Variants in SAMD13 observed in about 807,000 individuals in gnomAD.
SAMD13 encodes sterile alpha motif domain-containing protein 13.
In SAMD13, 9 loss-of-function variants were observed where a neutral mutation model predicts 12.4. The ratio of observed to expected loss-of-function variants is 0.72; its 90% CI spans 0.44 to 1.26. The LOEUF (loss-of-function observed/expected upper bound fraction) is 1.26, where lower values mean the gene tolerates loss of function less well. Ranked by LOEUF, SAMD13 falls within the 50% of genes most tolerant of loss-of-function variation. The pLI, the probability that SAMD13 is intolerant of heterozygous loss-of-function variation, is 0.00. For synonymous variants in SAMD13, 46 were observed against 45.4 expected (o/e 1.01, Z -0.05); for missense variants, 84 against 119.6 (o/e 0.70, Z 1.39).
chr1:84,325,755 T>C lies in SAMD13; in HGVS notation c.165+7T>C, dbSNP rs1162166702. On this transcript the variant is annotated splice_region_variant and intron_variant, in intron 3 of 3. Coordinates refer to ENST00000394834, the MANE Select transcript of SAMD13 (RefSeq NM_001134663.2). Reference sequence around the variant, plus strand: ...TAGTGCTTTTCAGGAACAGGTAACTTGGTCTAGAGAAACACGTGATGAACA... The same window carrying C: ...TAGTGCTTTTCAGGAACAGGTAACTCGGTCTAGAGAAACACGTGATGAACA... The C allele has an allele frequency of 6.4e-7, 1 of 1,562,302 alleles. No individual in the cohort carries two copies. The highest frequency in any genetic ancestry group is 8.8e-7 in the Non-Finnish European group (1 of 1,133,198).
intron 3 of SAMD13, among the ~76,000 whole-genome samples, chr1:84,330,524 G>A (rs568646490): frequency 2.2e-4 from 34 of 152,270 alleles, no homozygotes; most frequent in African/African-American, 7.9e-4. Flanking sequence ...AGAACATTTA[G>A]GATAAAGTTT....
intron 2 of SAMD13, among the ~76,000 whole-genome samples, chr1:84,310,361 GA>G (rs936350873): frequency 3.9e-4 from 57 of 147,538 alleles, no homozygotes; most frequent in East Asian, 9.9e-4. Context: ...TAGCTGATGA[GA>G]AAAAAAAAAA....
At chr1:84,311,096 G>A (rs988034576) in intron 2 of SAMD13, among the ~76,000 whole-genome samples, 5 of 152,070 alleles carry the variant, frequency 3.3e-5, no homozygotes, top group African/African-American at 7.2e-5. Flanking sequence ...AGCACTTTGG[G>A]AGGCCGAGGC....
chr1:84,326,883 A>C (rs188282432), intron 3 of SAMD13, among the ~76,000 whole-genome samples: 1 of 152,170 alleles, frequency 6.6e-6, no homozygotes, highest in East Asian at 1.9e-4. Context: ...ATCTTTGTAC[A>C]TAAGTATTTT....
rs915694971 is a variant in SAMD13 at position 84,335,554 on chromosome 1, C to T, written c.165+9806C>T. Among the ~76,000 whole-genome samples, 4 of 152,198 alleles carry T rather than the reference C, an allele frequency of 2.6e-5. No homozygotes were observed. The East Asian group carries it at 7.7e-4, about 29-fold the overall frequency. On this transcript the variant is annotated intron_variant, in intron 3 of 3. Transcript: ENST00000394834. ...TTTACTCTGTTTCCATTCAAGGTTA[C>T]TATTGATATGTATGGATTTGATTCT...
chr1:84,336,596 C>T (rs931309494), intron 3 of SAMD13, among the ~76,000 whole-genome samples: 3 of 152,096 alleles, frequency 2.0e-5, no homozygotes, highest in Non-Finnish European at 4.4e-5. Context: ...TACCTCCCAC[C>T]GGGTCCCTCC....
chr1:84,302,471 C>G (rs1432027840), intron 1 of SAMD13, among the ~76,000 whole-genome samples: 9 of 150,548 alleles, frequency 6.0e-5, no homozygotes, highest in Non-Finnish European at 1.3e-4. Flanking sequence ...GTGATGGATG[C>G]TACAATATCT....
intron 3 of SAMD13, among the ~76,000 whole-genome samples, chr1:84,345,673 T>C (rs1679520230): frequency 1.3e-5 from 2 of 152,196 alleles, no homozygotes; most frequent in South Asian, 4.1e-4. Flanking sequence ...TGATGGCTAC[T>C]CTTTGTCTCT....
At chr1:84,349,002 G>T (rs141985152) in intron 3 of SAMD13, among the ~76,000 whole-genome samples, 1 of 152,200 alleles carries the variant, frequency 6.6e-6, no homozygotes, top group African/African-American at 2.4e-5. Context: ...CAATTGTGAG[G>T]ACTCCAGGAA....
At chr1:84,337,837 A>G (rs315534) in intron 3 of SAMD13, among the ~76,000 whole-genome samples, 150,998 of 152,320 alleles carry the variant, frequency 0.99, 74,852 homozygotes, top group East Asian at 1. Flanking sequence ...CAACACCCAA[A>G]TCACCTCTTG....
intron 2 of SAMD13, among the ~76,000 whole-genome samples, chr1:84,324,617 G>T (rs1409660767): frequency 6.6e-6 from 1 of 152,146 alleles, no homozygotes; most frequent in Non-Finnish European, 1.5e-5. Context: ...TGTATTCCTA[G>T]TTGGAGAGAG....
At chr1:84,318,702 T>C (rs1678883841) in intron 2 of SAMD13, among the ~76,000 whole-genome samples, 1 of 152,182 alleles carries the variant, frequency 6.6e-6, no homozygotes, top group Non-Finnish European at 1.5e-5. Flanking sequence ...TTAATAGTGA[T>C]ACTTGTAAAT....
At chr1:84,318,379 A>T (rs559518656) in intron 2 of SAMD13, among the ~76,000 whole-genome samples, 2 of 152,114 alleles carry the variant, frequency 1.3e-5, no homozygotes, top group South Asian at 4.1e-4. Context: ...GTTATTCAAA[A>T]ATGTGTTGTT....
intron 3 of SAMD13, among the ~76,000 whole-genome samples, chr1:84,331,896 C>G (rs1382059182): frequency 1.3e-5 from 2 of 152,064 alleles, no homozygotes; most frequent in Admixed American, 1.3e-4. Flanking sequence ...CCACCCTCCA[C>G]CCTCAAGTAG....
In SAMD13 at chr1:84,342,482, C is replaced by T. The variant is rs116114470; in HGVS notation, c.166-7149C>T. On this transcript the variant is annotated intron_variant, in intron 3 of 3. Transcript: ENST00000394834. ...TACTGTAAGGCCACAGTAACCAAAA[C>T]AGCATGGTATTGGTATAAAAACAGA... Among the ~76,000 whole-genome samples, 743 of 151,676 alleles carry T rather than the reference C, an allele frequency of 4.9e-3. 6 individuals carry two copies. Among genetic ancestry groups the T allele is most frequent in the Non-Finnish European group, 5.9e-3 (400 of 67,624 alleles).
In SAMD13 at chr1:84,341,017, C is replaced by T. The variant is rs141061325; in HGVS notation, c.166-8614C>T. On this transcript the variant is annotated intron_variant, in intron 3 of 3. Transcript: ENST00000394834. ...ACCTGAGACAGCCATCATCTCCTGC[C>T]CTTGGAAATCAGAGCTTCTGGTTCT... 5.3e-5 allele frequency among the ~76,000 whole-genome samples: 8 copies of T among 152,310 alleles called. No homozygotes were observed. The East Asian group carries it at 1.5e-3, about 29-fold the overall frequency.
chr1:84,314,692 G>A (rs759673630), intron 2 of SAMD13, among the ~76,000 whole-genome samples: 1 of 152,094 alleles, frequency 6.6e-6, no homozygotes, highest in Non-Finnish European at 1.5e-5. Flanking sequence ...GTGGGAGGGG[G>A]CGTGGCAGTG....
chr1:84,298,711 C>A, upstream of SAMD13: 1 of 769,786 alleles, frequency 1.3e-6, no homozygotes. Context: ...GGTGCTCCTG[C>A]AGCTCGTTGC....
chr1:84,323,761 A>T (rs1171411765), intron 2 of SAMD13, among the ~76,000 whole-genome samples: 1 of 151,918 alleles, frequency 6.6e-6, no homozygotes, highest in African/African-American at 2.4e-5. Context: ...AGTAACCTGG[A>T]TGTTTTCAAC....
Sources: allele counts gnomAD v4.1 joint callset (sites outside exome capture counted in the v4.1 genomes callset), GRCh38; gene constraint gnomAD v4.1.1; transcripts MANE v1.5; gene names NCBI Gene and HGNC (gene_info 2026-07-23, HGNC 2026-07-21).